The following EPHA3 variants were observed in gnomAD, a reference collection of about 807,000 sequenced individuals.
EPHA3 encodes the protein ephrin type-A receptor 3.
A neutral mutation model predicts 107.1 loss-of-function variants in EPHA3; 42 were observed. The observed-to-expected ratio is 0.39, with a 90% confidence interval of 0.31 to 0.51. The LOEUF (loss-of-function observed/expected upper bound fraction) is 0.51. EPHA3 is among the 20% of genes least tolerant of loss of function. The probability of loss-of-function intolerance (pLI) is 0.78; values close to 1 mark genes in which losing one functional copy is unlikely to be tolerated. For missense variants in EPHA3, 1,183 were observed against 1,211.2 expected (o/e 0.98, Z 0.35); for synonymous variants, 461 against 424.8 (o/e 1.09, Z -1.05).
chr3:89,348,109 T>C (rs1296300217), intron 5 of EPHA3, among the ~76,000 whole-genome samples: 2 of 147,792 alleles, frequency 1.4e-5, no homozygotes, highest in African/African-American at 4.9e-5. Context: ...GGCTTTGGTA[T>C]CAGAATGATG....
intron 3 of EPHA3, among the ~76,000 whole-genome samples, chr3:89,242,043 A>C (rs2107245799): frequency 6.6e-6 from 1 of 152,296 alleles, no homozygotes; most frequent in East Asian, 1.9e-4. Flanking sequence ...CTGATCTCAA[A>C]CCTAGGTTGA....
At chr3:89,357,181 G>A (rs1402944761) in intron 5 of EPHA3, among the ~76,000 whole-genome samples, 3 of 143,680 alleles carry the variant, frequency 2.1e-5, no homozygotes, top group African/African-American at 5.2e-5. Context: ...GAAAAGAGAC[G>A]GTGATACGGG....
At chr3:89,471,776 T>C (rs1710408893) in intron 15 of EPHA3, among the ~76,000 whole-genome samples, 1 of 152,048 alleles carries the variant, frequency 6.6e-6, no homozygotes, top group African/African-American at 2.4e-5. Context: ...ATATTATGTA[T>C]ATATCATGTG....
chr3:89,303,659 A>G (rs1706544078), intron 3 of EPHA3, among the ~76,000 whole-genome samples: 1 of 152,144 alleles, frequency 6.6e-6, no homozygotes, highest in Non-Finnish European at 1.5e-5. Flanking sequence ...TTCTATATCA[A>G]TTATCCAGGA....
chr3:89,407,129 A>C (rs973121142), intron 7 of EPHA3, 140 bp from the exon 8 acceptor site: 1 of 608,272 alleles, frequency 1.6e-6, no homozygotes, highest in African/African-American at 1.9e-5. Context: ...GAATACTTTC[A>C]ACATTGTATC....
chr3:89,170,257 G>GAA (rs11450957), intron 2 of EPHA3, among the ~76,000 whole-genome samples: 2,760 of 114,128 alleles, frequency 0.024, 41 homozygotes, highest in Middle Eastern at 0.041. Context: ...CTCCGTATCA[G>GAA]AAAAAAAAAA....
intron 3 of EPHA3, among the ~76,000 whole-genome samples, chr3:89,231,358 A>T (rs890398454): frequency 6.6e-6 from 1 of 152,150 alleles, no homozygotes; most frequent in Non-Finnish European, 1.5e-5. Flanking sequence ...ATATGTATGT[A>T]TCTAAATATG....
intron 3 of EPHA3, among the ~76,000 whole-genome samples, chr3:89,281,125 G>A (rs1705937343): frequency 6.6e-6 from 1 of 151,990 alleles, no homozygotes; most frequent in Non-Finnish European, 1.5e-5. Flanking sequence ...CCAGGTTCAA[G>A]TAATTATCCT....
chr3:89,387,765 A>C (rs1708651838), intron 5 of EPHA3, among the ~76,000 whole-genome samples: 1 of 152,142 alleles, frequency 6.6e-6, no homozygotes, highest in African/African-American at 2.4e-5. Context: ...ATTTTGGTGA[A>C]TTTATGCAAT....
At chr3:89,331,283 G>T (rs73846143) in intron 3 of EPHA3, among the ~76,000 whole-genome samples, 4,201 of 152,158 alleles carry the variant, frequency 0.028, 188 homozygotes, top group African/African-American at 0.096. Context: ...TATGAAATAA[G>T]TGATCAAGTT....
At chr3:89,157,354 A>G (rs1286997770) in intron 2 of EPHA3, among the ~76,000 whole-genome samples, 4 of 151,996 alleles carry the variant, frequency 2.6e-5, no homozygotes, top group Non-Finnish European at 4.4e-5. Flanking sequence ...AACAAATTCT[A>G]TTTGACCTTT....
At chr3:89,226,768 AT>A (rs573769210) in intron 3 of EPHA3, among the ~76,000 whole-genome samples, 1 of 151,972 alleles carries the variant, frequency 6.6e-6, no homozygotes, top group African/African-American at 2.4e-5. Flanking sequence ...CTGTGACAGT[AT>A]TTTTTTTATC....
At chr3:89,121,353 A>G (rs1387000468) in intron 1 of EPHA3, among the ~76,000 whole-genome samples, 1 of 152,246 alleles carries the variant, frequency 6.6e-6, no homozygotes, top group Admixed American at 6.5e-5. Flanking sequence ...TAAATTTAAC[A>G]CAGTTTACAG....
chr3:89,177,268 C>A (rs1705340871), intron 2 of EPHA3, among the ~76,000 whole-genome samples: 1 of 152,172 alleles, frequency 6.6e-6, no homozygotes, highest in South Asian at 2.1e-4. Flanking sequence ...TACATCTGAT[C>A]TGCAAAAGGA....
intron 2 of EPHA3, among the ~76,000 whole-genome samples, chr3:89,197,857 T>A (rs6551404): frequency 0.59 from 89,774 of 151,842 alleles, 28,411 homozygotes; most frequent in Non-Finnish European, 0.7. Context: ...TGTGCCTTAG[T>A]CCCAGCTACT....
chr3:89,350,914 C>T (rs1707798546), intron 5 of EPHA3, among the ~76,000 whole-genome samples: 1 of 151,348 alleles, frequency 6.6e-6, no homozygotes, highest in South Asian at 2.1e-4. Flanking sequence ...GGGATGCTTC[C>T]CAGTTAGGCT....
Position 89,450,210 on chromosome 3 carries a change from C to T in EPHA3, c.2530C>T (p.Pro844Ser), listed in dbSNP as rs2107554905. 2 of 1,608,380 alleles carry T rather than the reference C, an allele frequency of 1.2e-6. No homozygotes were observed. Among genetic ancestry groups the T allele is most frequent in the South Asian group, 1.1e-5 (1 of 89,766 alleles). ...AGCTGTAGATGAGGGCTATCGACTGCCACCCCCCATGGACTGCCCAGCTGC... is the reference window on the plus strand; with the variant it reads ...AGCTGTAGATGAGGGCTATCGACTGTCACCCCCCATGGACTGCCCAGCTGC... The part of the protein sequence containing the change: ...IKAVDEGYRL[P>S]PPMDCPAALY... Residue 844 changes from proline (P) to serine (S), a missense_variant, in exon 15 of 17, where the codon CCA (proline) becomes TCA (serine). By Grantham distance (74) the Pro-to-Ser change is moderately conservative (BLOSUM62 -1). Transcript: ENST00000336596.
At chr3:89,440,394 C>A (rs572238060) in intron 13 of EPHA3, among the ~76,000 whole-genome samples, 1 of 152,248 alleles carries the variant, frequency 6.6e-6, no homozygotes, top group East Asian at 1.9e-4. Flanking sequence ...ACCAGCAAAC[C>A]TTTCCTAAAT....
chr3:89,175,774 C>T (rs2048061421), intron 2 of EPHA3, among the ~76,000 whole-genome samples: 1 of 151,968 alleles, frequency 6.6e-6, no homozygotes, highest in African/African-American at 2.4e-5. Context: ...TGAACCATGC[C>T]TGCGATTCTA....
Sources: gnomAD v4.1 joint callset for allele counts (sites outside exome capture counted in the v4.1 genomes callset) on GRCh38, gnomAD v4.1.1 for gene constraint, MANE v1.5 for transcripts, NCBI Gene and HGNC (gene_info 2026-07-23, HGNC 2026-07-21) for gene names.